Variants in HK1 observed in about 807,000 individuals in gnomAD.
HK1 encodes hexokinase 1, also known as hexokinase-1.
In HK1, 28 loss-of-function variants were observed where a neutral mutation model predicts 91.6. That is an observed-to-expected ratio of 0.31 (90% CI 0.23 to 0.42). The LOEUF (loss-of-function observed/expected upper bound fraction) is 0.42. HK1 is among the 10% of genes least tolerant of loss of function. HK1 has a pLI of 1.00. For missense variants in HK1, 770 were observed against 1,219.8 expected, an observed-to-expected ratio of 0.63 and a Z score of 5.49; for synonymous variants, 430 against 468.1, an observed-to-expected ratio of 0.92 and a Z score of 1.05.
intron 17 of HK1, 59 bp downstream of exon 17, chr10:69,398,887 G>A (rs375131447): frequency 1.5e-6 from 2 of 1,351,418 alleles, no homozygotes; most frequent in South Asian, 2.5e-5. Context: ...TGGGTTAGGG[G>A]GTATCAGGGT....
chr10:69,310,929 C>T (rs1182581833), upstream of HK1, among the ~76,000 whole-genome samples: 1 of 151,962 alleles, frequency 6.6e-6, no homozygotes, highest in African/African-American at 2.4e-5. Flanking sequence ...TAGTGGCAGG[C>T]ACCTGTAATC....
chr10:69,314,659 TCTC>T (rs1564504318), upstream of HK1, among the ~76,000 whole-genome samples: 6 of 131,898 alleles, frequency 4.5e-5, no homozygotes, highest in Middle Eastern at 3.8e-3. Context: ...TCTCTTCTCT[TCTC>T]TCTTTTCTTT....
intron 1 of HK1, among the ~76,000 whole-genome samples, chr10:69,337,177 C>T (rs1848036384): frequency 6.6e-6 from 1 of 152,156 alleles, no homozygotes; most frequent in Non-Finnish European, 1.5e-5. Flanking sequence ...GATTTGAACC[C>T]AGCTCTCTGT....
intron 7 of HK1, among the ~76,000 whole-genome samples, chr10:69,375,819 G>A (rs1271672991): frequency 6.6e-6 from 1 of 152,186 alleles, no homozygotes; most frequent in African/African-American, 2.4e-5. Flanking sequence ...ATCGAGCCCT[G>A]GTTCTTGCCA....
Position 69,401,073 on chromosome 10 carries a change from G to A in HK1, c.2692G>A (p.Gly898Ser), listed in dbSNP as rs1840365658. Residue 898 changes from glycine to serine, a missense_variant, in exon 18 of 18, where the codon GGC becomes AGC. Gly to Ser is a moderately conservative substitution (Grantham distance 56). Transcript: ENST00000359426. ...CTTCCTCCTGTCTGAGGATGGCAGC[G>A]GCAAGGGGGCCGCCCTCATCACGGC... is the stretch of plus-strand genomic sequence containing the variant. ...VSFLLSEDGS[G>S]KGAALITAVG... The A allele has an allele frequency of 6.2e-7, 1 of 1,614,210 alleles. No individual in the cohort carries two copies. The highest frequency in any genetic ancestry group is 8.5e-7 in the Non-Finnish European group (1 of 1,180,042).
intron 2 of HK1, among the ~76,000 whole-genome samples, chr10:69,347,615 TA>T (rs1490662145): frequency 6.6e-6 from 1 of 151,930 alleles, no homozygotes; most frequent in Non-Finnish European, 1.5e-5. Context: ...TTTGTATTTT[TA>T]GTAGAGACGA....
intron 1 of HK1, among the ~76,000 whole-genome samples, chr10:69,341,149 T>C (rs942429943): frequency 1.3e-5 from 2 of 151,988 alleles, no homozygotes; most frequent in African/African-American, 4.8e-5. Context: ...AAAAAATATA[T>C]ATACATATTT....
intron 15 of HK1, among the ~76,000 whole-genome samples, chr10:69,394,218 G>C (rs1032499474): frequency 2.6e-5 from 4 of 152,252 alleles, no homozygotes; most frequent in Non-Finnish European, 5.9e-5. Context: ...CCTTGAGCAT[G>C]GAGAGGGCAG....
chr10:69,381,281 G>A (rs550719340), intron 9 of HK1, among the ~76,000 whole-genome samples: 1 of 152,170 alleles, frequency 6.6e-6, no homozygotes, highest in African/African-American at 2.4e-5. Context: ...ATGAGCTCCT[G>A]TCTCAAAAAA....
intron 9 of HK1, among the ~76,000 whole-genome samples, chr10:69,381,546 CTTTTTTTTT>C (rs35306200): frequency 1.5e-5 from 2 of 132,246 alleles, no homozygotes; most frequent in East Asian, 2.1e-4. Context: ...TCATCTTAAC[CTTTTTTTTT>C]TTTTTTTTTT....
upstream of HK1, chr10:69,318,824 G>GGGAGGAGCCGGGGGAGGA (rs1846815478): frequency 7.0e-7 from 1 of 1,435,666 alleles, no homozygotes; most frequent in Non-Finnish European, 9.1e-7. Context: ...CGGGCCGAGG[G>GGGAGGAGCCGGGGGAGGA]GGAGGAGCCG....
Position 69,322,878 on chromosome 10 carries a change from G to A in HK1, c.63+3868G>A, listed in dbSNP as rs1348204826. Among the ~76,000 whole-genome samples, 5 of 142,406 alleles carry A rather than the reference G, an allele frequency of 3.5e-5. No homozygotes were observed. In the East Asian group the frequency reaches 8.2e-4, roughly 23 times the overall value. 93.4% of individuals were successfully genotyped at this position (142,406 alleles called of 152,430 possible). On this transcript the variant is annotated intron_variant, in intron 1 of 17. Transcript: ENST00000359426. ...GCACTCCAGCCTAGGCAACGAGAGC[G>A]AAACTCCGTCTCAAAAAAAAAAAAA... is the stretch of plus-strand genomic sequence containing the variant.
chr10:69,338,843 T>A (rs1274989447), intron 1 of HK1, among the ~76,000 whole-genome samples: 5 of 151,904 alleles, frequency 3.3e-5, no homozygotes, highest in Non-Finnish European at 7.4e-5. Flanking sequence ...CTGGAGATGC[T>A]GTGGAGAGGA....
At chr10:69,344,526 A>G (rs946295900) in intron 2 of HK1, among the ~76,000 whole-genome samples, 1 of 152,230 alleles carries the variant, frequency 6.6e-6, no homozygotes, top group Non-Finnish European at 1.5e-5. Context: ...ACAGATGCAG[A>G]ATTGAGGCAG....
At chr10:69,325,619 G>A (rs1334543414) in intron 1 of HK1, among the ~76,000 whole-genome samples, 5 of 150,914 alleles carry the variant, frequency 3.3e-5, no homozygotes, top group East Asian at 1.9e-4. Flanking sequence ...TCCATCTCGC[G>A]GGTTCAAGTG....
chr10:69,368,673 TG>T, intron 5 of HK1, 42 bp downstream of exon 5: 1 of 1,492,070 alleles, frequency 6.7e-7, no homozygotes, highest in South Asian at 1.1e-5. Context: ...TGCAGGGGTG[TG>T]GGGAGCAGGG....
chr10:69,287,961 A>T (rs1370196610), intron 2 of HK1, among the ~76,000 whole-genome samples: 3 of 150,334 alleles, frequency 2.0e-5, no homozygotes, highest in Non-Finnish European at 4.4e-5. Flanking sequence ...CAACATAGCA[A>T]GACACTGTGT....
chr10:69,270,079 A>C (rs1203091933), exon 1 of HK1: 1 of 152,262 alleles, frequency 6.6e-6, no homozygotes, highest in East Asian at 1.9e-4. Flanking sequence ...CTCAAAGTTT[A>C]ATAGGCAAGA....
intron 2 of HK1, among the ~76,000 whole-genome samples, chr10:69,351,523 A>G (rs902029931): frequency 6.8e-6 from 1 of 147,962 alleles, no homozygotes; most frequent in African/African-American, 2.5e-5. Context: ...AACAAAAACA[A>G]AAACAAAAAA....
Sources: allele counts gnomAD v4.1 joint callset (sites outside exome capture counted in the v4.1 genomes callset), GRCh38; gene constraint gnomAD v4.1.1; transcripts MANE v1.5; gene names NCBI Gene and HGNC (gene_info 2026-07-23, HGNC 2026-07-21).